PRKG1: variants seen among roughly 807,000 people sequenced by gnomAD.
PRKG1 encodes cGMP-dependent protein kinase 1.
In PRKG1, 35 loss-of-function variants were observed where a neutral mutation model predicts 88.1. That is an observed-to-expected ratio of 0.40 (90% CI 0.30 to 0.53). PRKG1 has a LOEUF of 0.53. Ranked by LOEUF, PRKG1 falls within the 20% of genes least tolerant of loss-of-function variation. The probability of loss-of-function intolerance (pLI) is 0.59; values close to 1 mark genes in which losing one functional copy is unlikely to be tolerated. For synonymous variants in PRKG1, 303 were observed against 292.5 expected, an observed-to-expected ratio of 1.04 and a Z score of -0.37; for missense variants, 540 against 839.8, an observed-to-expected ratio of 0.64 and a Z score of 4.41.
At chr10:52,077,076 A>G (rs34544599) in intron 7 of PRKG1, among the ~76,000 whole-genome samples, 6,621 of 152,206 alleles carry the variant, frequency 0.044, 150 homozygotes, top group Middle Eastern at 0.058. Context: ...ATGAAACATG[A>G]AAGCTTACAT....
intron 5 of PRKG1, among the ~76,000 whole-genome samples, chr10:52,023,207 T>A (rs1199658517): frequency 6.6e-6 from 1 of 152,182 alleles, no homozygotes; most frequent in Non-Finnish European, 1.5e-5. Flanking sequence ...AGAATGATGG[T>A]TTCCAGCTTC....
intron 3 of PRKG1, among the ~76,000 whole-genome samples, chr10:51,473,773 GT>G (rs1253632442): frequency 1.3e-5 from 2 of 148,782 alleles, no homozygotes; most frequent in African/African-American, 5.0e-5. Context: ...TTTTTTAGCT[GT>G]TTTTGTTAGT....
intron 3 of PRKG1, among the ~76,000 whole-genome samples, chr10:51,671,901 T>C (rs1840590474): frequency 6.6e-6 from 1 of 152,190 alleles, no homozygotes; most frequent in Non-Finnish European, 1.5e-5. Context: ...CCAGCTCTAC[T>C]CCAGTATGAC....
At chr10:51,814,522 T>C (rs920683363) in intron 4 of PRKG1, among the ~76,000 whole-genome samples, 5 of 152,154 alleles carry the variant, frequency 3.3e-5, no homozygotes, top group African/African-American at 1.2e-4. Context: ...TTCTAGAAGT[T>C]TGTGAAACCT....
At chr10:51,588,268 A>C (rs534460089) in intron 3 of PRKG1, among the ~76,000 whole-genome samples, 7 of 152,296 alleles carry the variant, frequency 4.6e-5, no homozygotes, top group African/African-American at 1.7e-4. Context: ...AAACACTATC[A>C]TCCATACCTT....
chr10:51,856,615 T>A (rs1315439531), intron 4 of PRKG1, among the ~76,000 whole-genome samples: 1 of 152,172 alleles, frequency 6.6e-6, no homozygotes, highest in East Asian at 1.9e-4. Context: ...TGTAATGATA[T>A]AACGAAGTAT....
At chr10:51,129,616 A>T (rs1845514907) in intron 1 of PRKG1, among the ~76,000 whole-genome samples, 1 of 152,226 alleles carries the variant, frequency 6.6e-6, no homozygotes, top group South Asian at 2.1e-4. Flanking sequence ...TCCCCAAGGA[A>T]AGAGCTTCAT....
At chr10:52,185,151 C>T (rs1319492384) in intron 9 of PRKG1, 3 of 152,182 alleles carry the variant, frequency 2.0e-5, no homozygotes, top group African/African-American at 7.2e-5. Flanking sequence ...TTGTCTTCTT[C>T]CACCTATCAG....
At chr10:51,805,636 C>T (rs1839285412) in intron 4 of PRKG1, among the ~76,000 whole-genome samples, 1 of 151,854 alleles carries the variant, frequency 6.6e-6, no homozygotes, top group African/African-American at 2.4e-5. Flanking sequence ...TAAAATGAAG[C>T]TAAAAAGTCA....
At chr10:51,640,935 T>C (rs1176223776) in intron 3 of PRKG1, among the ~76,000 whole-genome samples, 1 of 152,226 alleles carries the variant, frequency 6.6e-6, no homozygotes, top group Non-Finnish European at 1.5e-5. Flanking sequence ...TTTACCTTTT[T>C]TGTTTGCTTG....
At chr10:51,200,400 G>T (rs140538161) in intron 2 of PRKG1, among the ~76,000 whole-genome samples, 12 of 152,244 alleles carry the variant, frequency 7.9e-5, no homozygotes, top group African/African-American at 2.4e-4. Flanking sequence ...GTAGACAGGA[G>T]GCAGATTATG....
At chr10:51,417,022 G>A (rs1202062234) in intron 2 of PRKG1, among the ~76,000 whole-genome samples, 3 of 152,030 alleles carry the variant, frequency 2.0e-5, no homozygotes, top group African/African-American at 7.2e-5. Flanking sequence ...TTGTTTCCCA[G>A]ACCCCAGTGA....
At chr10:52,016,657 A>C (rs1475216353) in intron 5 of PRKG1, among the ~76,000 whole-genome samples, 1 of 152,248 alleles carries the variant, frequency 6.6e-6, no homozygotes, top group African/African-American at 2.4e-5. Flanking sequence ...GTAGTCACTT[A>C]CAAATATTTT....
intron 4 of PRKG1, among the ~76,000 whole-genome samples, chr10:51,805,825 T>A (rs1031662369): frequency 9.2e-5 from 14 of 152,178 alleles, no homozygotes; most frequent in African/African-American, 3.1e-4. Flanking sequence ...AAAGGGGTAA[T>A]ACAATTCTAA....
chr10:51,679,724 G>T lies in PRKG1; in HGVS notation c.593-124861G>T, dbSNP rs58949454. Among the ~76,000 whole-genome samples, 854 of 117,242 alleles carry T rather than the reference G, an allele frequency of 7.3e-3. 8 individuals are homozygous for T. Among genetic ancestry groups the T allele is most frequent in the African/African-American group, 0.024 (727 of 30,446 alleles). 76.9% of individuals were successfully genotyped at this position (117,242 alleles called of 152,430 possible). A position where few individuals can be genotyped will look rare whatever the true frequency, so the allele number is the denominator to read the frequency against. Reference sequence around the variant, plus strand: ...GGGAACTTTTTTTTTTTTTTTTAATGTTTTTTTTTTTATTATACTCTAAGT... The same window carrying T: ...GGGAACTTTTTTTTTTTTTTTTAATTTTTTTTTTTTTATTATACTCTAAGT... On this transcript the variant is annotated intron_variant, in intron 3 of 17. Coordinates refer to ENST00000373980, the MANE Select transcript of PRKG1 (RefSeq NM_006258.4).
chr10:51,898,048 G>T (rs1022448985), intron 4 of PRKG1, among the ~76,000 whole-genome samples: 3 of 152,144 alleles, frequency 2.0e-5, no homozygotes, highest in Non-Finnish European at 4.4e-5. Context: ...GTTCACTGAA[G>T]TCTAGACACT....
At chr10:52,085,199 G>T (rs1241238840) in intron 7 of PRKG1, among the ~76,000 whole-genome samples, 1 of 151,946 alleles carries the variant, frequency 6.6e-6, no homozygotes. Context: ...TAAACAACCT[G>T]TAAGGAAACT....
intron 1 of PRKG1, among the ~76,000 whole-genome samples, chr10:51,143,791 TC>T (rs1399925714): frequency 6.6e-6 from 1 of 152,092 alleles, no homozygotes; most frequent in Non-Finnish European, 1.5e-5. Flanking sequence ...TTTATTAAAT[TC>T]TTTTGCCCAT....
At chr10:52,247,440 T>A (rs1242179718) in intron 9 of PRKG1, among the ~76,000 whole-genome samples, 1 of 152,158 alleles carries the variant, frequency 6.6e-6, no homozygotes, top group Non-Finnish European at 1.5e-5. Flanking sequence ...TGCACATTTA[T>A]CTCCTCAGGC....
Sources: allele counts gnomAD v4.1 joint callset (sites outside exome capture counted in the v4.1 genomes callset), GRCh38; gene constraint gnomAD v4.1.1; transcripts MANE v1.5; gene names NCBI Gene and HGNC (gene_info 2026-07-23, HGNC 2026-07-21).